The following RABGAP1L variants were observed in gnomAD, a reference collection of about 807,000 sequenced individuals.
The protein encoded by RABGAP1L is RAB GTPase activating protein 1 like, also known as rab GTPase-activating protein 1-like.
Under a neutral mutation model 137.7 loss-of-function variants are expected in RABGAP1L, and 63 were observed. The observed-to-expected ratio is 0.46, with a 90% CI of 0.37 to 0.56. The LOEUF is 0.56. Among genes scored for constraint, RABGAP1L ranks in the 20% least tolerant of loss-of-function variants. The pLI is 0.00. For missense variants in RABGAP1L, 1,095 were observed against 1,244.0 expected, an observed-to-expected ratio of 0.88 and a Z score of 1.80; for synonymous variants, 431 against 433.7, an observed-to-expected ratio of 0.99 and a Z score of 0.08.
chr1:174,375,867 C>T (rs1355892715), intron 12 of RABGAP1L, among the ~76,000 whole-genome samples: 3 of 152,014 alleles, frequency 2.0e-5, no homozygotes, highest in African/African-American at 7.2e-5. Context: ...GAGTTTGAGA[C>T]CAGCCTAGCC....
chr1:174,283,957 C>G (rs1373321900), intron 10 of RABGAP1L, among the ~76,000 whole-genome samples: 1 of 152,154 alleles, frequency 6.6e-6, no homozygotes, highest in Non-Finnish European at 1.5e-5. Context: ...TTTATCTCTA[C>G]CTAGTTCATG....
At chr1:174,373,401 G>A (rs1685265478) in intron 12 of RABGAP1L, among the ~76,000 whole-genome samples, 1 of 152,196 alleles carries the variant, frequency 6.6e-6, no homozygotes, top group African/African-American at 2.4e-5. Context: ...GTAGGAAACA[G>A]CTATGGCCTA....
intron 15 of RABGAP1L, among the ~76,000 whole-genome samples, chr1:174,689,861 A>G (rs1309549720): frequency 2.0e-5 from 3 of 152,200 alleles, no homozygotes; most frequent in African/African-American, 7.2e-5. Context: ...TTTTGATATC[A>G]GATGATGGGA....
chr1:174,498,409 C>T (rs892633109), intron 13 of RABGAP1L, among the ~76,000 whole-genome samples: 6 of 152,136 alleles, frequency 3.9e-5, no homozygotes, highest in East Asian at 1.9e-4. Context: ...TATTACTGTG[C>T]GACTTTGAAA....
At position 174,305,120 on chromosome 1, in the gene RABGAP1L, A is replaced by T; in HGVS notation, c.1458A>T (p.Ala486=). The T allele has an allele frequency of 6.5e-7, 1 of 1,530,886 alleles. No homozygotes were observed. Among genetic ancestry groups the T allele is most frequent in the Non-Finnish European group, 8.7e-7 (1 of 1,150,124 alleles). The allele number at this position is 1,530,886 out of a possible 1,614,324, so 94.8% of individuals were successfully genotyped here. A position where few individuals can be genotyped will look rare whatever the true frequency, so the allele number is the denominator to read the frequency against. The change falls in exon 11 of 26, where the codon GCA becomes GCT. Residue 486 remains alanine (A), a synonymous_variant. Coordinates refer to ENST00000681986, the MANE Select transcript of RABGAP1L (RefSeq NM_001366446.1). The part of the protein sequence containing the change: ...GGPMSPQDDE[A]EEESDNELSS... ...CAATGTCACCCCAGGATGATGAAGC[A>T]GAAGAGGGTAAGAAGTTGGACTTAC...
At chr1:174,522,744 AG>A (rs1663533067) in intron 13 of RABGAP1L, among the ~76,000 whole-genome samples, 1 of 152,290 alleles carries the variant, frequency 6.6e-6, no homozygotes, top group African/African-American at 2.4e-5. Flanking sequence ...CTGAGGTGAA[AG>A]GGGAGCAAGC....
Position 174,343,132 on chromosome 1 carries a change from T to C in RABGAP1L, c.1466-27847T>C, listed in dbSNP as rs374360934. The stretch of plus-strand genomic sequence containing the variant: ...TTGTTTTTCACCTCAAACAATGTTA[T>C]GAACACTACATTAAACGATTTCTCC... On this transcript the variant is annotated intron_variant, in intron 11 of 25. Transcript: ENST00000681986. Among the ~76,000 whole-genome samples, 35 of 152,366 alleles carry C rather than the reference T, an allele frequency of 2.3e-4. No homozygotes were observed. In the East Asian group the frequency reaches 5.6e-3, roughly 24 times the overall value.
At chr1:174,784,200 T>G (rs1163527104) in intron 18 of RABGAP1L, among the ~76,000 whole-genome samples, 1 of 151,724 alleles carries the variant, frequency 6.6e-6, no homozygotes, top group Non-Finnish European at 1.5e-5. Context: ...TTTGTATTTT[T>G]AGTAGTGACG....
At chr1:174,851,159 T>C (rs1304321857) in intron 19 of RABGAP1L, among the ~76,000 whole-genome samples, 1 of 152,212 alleles carries the variant, frequency 6.6e-6, no homozygotes, top group Admixed American at 6.5e-5. Context: ...AGATAATAAA[T>C]GGATATTGTT....
chr1:174,636,080 C>T (rs1438189676), intron 13 of RABGAP1L, among the ~76,000 whole-genome samples: 2 of 151,992 alleles, frequency 1.3e-5, no homozygotes, highest in Non-Finnish European at 2.9e-5. Context: ...CTATAAGTAG[C>T]CCCATACTAT....
intron 19 of RABGAP1L, among the ~76,000 whole-genome samples, chr1:174,882,179 T>A (rs1237162463): frequency 6.6e-6 from 1 of 152,208 alleles, no homozygotes; most frequent in African/African-American, 2.4e-5. Context: ...ACACTCTTGC[T>A]AACTTATAAA....
intron 17 of RABGAP1L, among the ~76,000 whole-genome samples, chr1:174,747,909 A>G (rs1465044235): frequency 1.3e-5 from 2 of 149,364 alleles, no homozygotes; most frequent in Non-Finnish European, 3.0e-5. Flanking sequence ...TTTCTGTGAG[A>G]TCTAATATTT....
intron 5 of RABGAP1L, among the ~76,000 whole-genome samples, chr1:174,246,946 T>A (rs1297758202): frequency 6.6e-6 from 1 of 152,264 alleles, no homozygotes; most frequent in Non-Finnish European, 1.5e-5. Context: ...TAAGACATAG[T>A]ATTAAATGCA....
Position 174,972,656 on chromosome 1 carries a change from C to T in RABGAP1L, c.2544+3269C>T, listed in dbSNP as rs184545538. The stretch of plus-strand genomic sequence containing the variant: ...TTGCCTGAGCTTAGGAGTTCGAGAC[C>T]AGCCTGGGGAACACGGTGAAACCGA... On this transcript the variant is annotated intron_variant, in intron 21 of 25. Coordinates refer to ENST00000681986, the MANE Select transcript of RABGAP1L (RefSeq NM_001366446.1). 3.7e-3 allele frequency among the ~76,000 whole-genome samples: 558 copies of T among 151,964 alleles called. 4 individuals carry two copies. The highest frequency in any genetic ancestry group is 0.013 in the African/African-American group (530 of 41,448).
At chr1:174,944,698 A>G (rs1666462368) in intron 19 of RABGAP1L, among the ~76,000 whole-genome samples, 1 of 151,280 alleles carries the variant, frequency 6.6e-6, no homozygotes, top group Admixed American at 6.6e-5. Flanking sequence ...TAATATTGCT[A>G]GTGATGACTT....
chr1:174,168,512 A>G lies in RABGAP1L; in HGVS notation c.-34+8855A>G, dbSNP rs1439947528. The stretch of plus-strand genomic sequence containing the variant: ...TGTATTCTTTCATTTTAAATCTCTC[A>G]TATTTGCCCTGAAGTCAGTGGTCAT... On this transcript the variant is annotated intron_variant, in intron 1 of 25. Transcript: ENST00000681986. 2.0e-5 allele frequency among the ~76,000 whole-genome samples: 3 copies of G among 151,680 alleles called. No homozygotes were observed. In the South Asian group the frequency reaches 6.2e-4, roughly 31 times the overall value.
chr1:174,754,105 A>G (rs571739714), intron 18 of RABGAP1L, among the ~76,000 whole-genome samples: 3 of 152,198 alleles, frequency 2.0e-5, no homozygotes, highest in Non-Finnish European at 4.4e-5. Flanking sequence ...TCTACAGAGG[A>G]CATACTCTGG....
chr1:174,301,853 G>A (rs1677734770), intron 10 of RABGAP1L, among the ~76,000 whole-genome samples: 1 of 152,206 alleles, frequency 6.6e-6, no homozygotes, highest in South Asian at 2.1e-4. Context: ...TGTAAAATAG[G>A]CGAAGGCTGG....
chr1:174,377,874 C>T (rs577123062), intron 12 of RABGAP1L, among the ~76,000 whole-genome samples: 9 of 138,724 alleles, frequency 6.5e-5, no homozygotes, highest in East Asian at 2.1e-4. Flanking sequence ...CATGCTGGTG[C>T]GCTGCACCCA....
Sources: allele counts gnomAD v4.1 joint callset (sites outside exome capture counted in the v4.1 genomes callset), GRCh38; gene constraint gnomAD v4.1.1; transcripts MANE v1.5; gene names NCBI Gene and HGNC (gene_info 2026-07-23, HGNC 2026-07-21).